DLC1: variants seen among roughly 807,000 people sequenced by gnomAD.
The protein encoded by DLC1 is rho GTPase-activating protein 7.
DLC1 carries 54 observed loss-of-function variants against 140.3 expected under a neutral mutation model. The ratio of observed to expected loss-of-function variants is 0.38; its 90% CI spans 0.31 to 0.48. The LOEUF is 0.48. Ranked by LOEUF, DLC1 falls within the 20% of genes least tolerant of loss-of-function variation. The pLI is 0.96. For synonymous variants in DLC1, 986 were observed against 728.1 expected, an observed-to-expected ratio of 1.35 and a Z score of -5.70; for missense variants, 2,536 against 1,907.0, an observed-to-expected ratio of 1.33 and a Z score of -6.14.
At chr8:13,196,934 T>A (rs531977413) in intron 5 of DLC1, among the ~76,000 whole-genome samples, 158 of 152,372 alleles carry the variant, frequency 1.0e-3, no homozygotes, top group Non-Finnish European at 1.9e-3. Flanking sequence ...TTCTACAGTT[T>A]ATTTTTTCTT....
At chr8:13,095,012 C>T (rs570004534) in intron 11 of DLC1, 55 bp from the exon 12 acceptor site, 8 of 1,613,830 alleles carry the variant, frequency 5.0e-6, no homozygotes, top group African/African-American at 1.3e-5. Context: ...GCAGTGTTTA[C>T]ACCACACAAC....
chr8:13,459,098 T>C (rs950322313), intron 2 of DLC1, among the ~76,000 whole-genome samples: 1 of 152,210 alleles, frequency 6.6e-6, no homozygotes, highest in Non-Finnish European at 1.5e-5. Context: ...TAATGAACCA[T>C]AGTTTGATTT....
rs1819218574 is a variant in DLC1, at chr8:13,102,929, C to G, written c.1503-76G>C. On this transcript the variant is annotated intron_variant, in intron 7 of 17. Coordinates refer to ENST00000276297, the MANE Select transcript of DLC1 (RefSeq NM_182643.3). Reference sequence around the variant, plus strand: ...GAGTGGATAAACACCTGTTTTTAAACAATTCATATATTTAAGGAGTTTCTT... The same window carrying G: ...GAGTGGATAAACACCTGTTTTTAAAGAATTCATATATTTAAGGAGTTTCTT... The G allele has an allele frequency of 8.1e-6, 10 of 1,238,478 alleles. No homozygotes were observed. The South Asian group carries it at 1.1e-4, about 14-fold the overall frequency. 76.7% of individuals were successfully genotyped at this position (1,238,478 alleles called of 1,614,324 possible).
intron 2 of DLC1, among the ~76,000 whole-genome samples, chr8:13,414,541 C>A (rs1837957588): frequency 6.6e-6 from 1 of 152,108 alleles, no homozygotes; most frequent in African/African-American, 2.4e-5. Context: ...TGCACTGTTT[C>A]TTTTAGCTCA....
Position 13,351,674 on chromosome 8 carries a change from C to T in DLC1, c.1314+41879G>A, listed in dbSNP as rs7815732. 9.3e-4 allele frequency among the ~76,000 whole-genome samples: 141 copies of T among 152,258 alleles called. 1 individual carries two copies. The highest frequency in any genetic ancestry group is 3.3e-3 in the African/African-American group (139 of 41,546). The stretch of plus-strand genomic sequence containing the variant: ...TGCACTACAACAGCAGAATTGAATA[C>T]GTGGGACAGAGACTGGAGAGCCCAC... On this transcript the variant is annotated intron_variant, in intron 4 of 17. Transcript: ENST00000276297.
intron 1 of DLC1, among the ~76,000 whole-genome samples, chr8:13,521,236 C>T (rs181999862): frequency 5.2e-4 from 79 of 152,136 alleles, no homozygotes; most frequent in African/African-American, 1.9e-3. Flanking sequence ...GAACATCACC[C>T]ACTGGGGCCT....
chr8:13,399,954 G>T (rs1297084386), intron 3 of DLC1, among the ~76,000 whole-genome samples: 1 of 152,078 alleles, frequency 6.6e-6, no homozygotes, highest in African/African-American at 2.4e-5. Flanking sequence ...TTTGTCCTCT[G>T]TATCTGGGTC....
intron 5 of DLC1, among the ~76,000 whole-genome samples, chr8:13,205,836 TAAGTC>T (rs879908421): frequency 5.3e-5 from 8 of 152,242 alleles, no homozygotes; most frequent in South Asian, 2.1e-4. Flanking sequence ...ATAATACTAA[TAAGTC>T]AAGACAAAGT....
chr8:13,188,843 A>ATATATATATT (rs1247995559), intron 5 of DLC1, among the ~76,000 whole-genome samples: 1 of 30,666 alleles, frequency 3.3e-5, no homozygotes, highest in African/African-American at 1.1e-4. Flanking sequence ...ATATATATAT[A>ATATATATATT]TTTTTTTTTT....
intron 5 of DLC1, among the ~76,000 whole-genome samples, chr8:13,213,929 G>C (rs1268686496): frequency 1.3e-5 from 2 of 151,906 alleles, no homozygotes. Context: ...GATTACAGGC[G>C]ACTCCCACCA....
intron 5 of DLC1, among the ~76,000 whole-genome samples, chr8:13,282,935 G>A (rs561432219): frequency 6.6e-6 from 1 of 152,242 alleles, no homozygotes; most frequent in Non-Finnish European, 1.5e-5. Context: ...TTCATATACA[G>A]TCATTGCCAC....
At chr8:13,231,724 ACATT>A (rs2117201979) in intron 5 of DLC1, among the ~76,000 whole-genome samples, 1 of 152,380 alleles carries the variant, frequency 6.6e-6, no homozygotes, top group South Asian at 2.1e-4. Flanking sequence ...CACAAGGCAT[ACATT>A]ATTGAGCACA....
chr8:13,586,491 C>G (rs1452387278), intron 1 of DLC1, among the ~76,000 whole-genome samples: 1 of 151,576 alleles, frequency 6.6e-6, no homozygotes, highest in African/African-American at 2.4e-5. Flanking sequence ...TGGGGGAGAG[C>G]ATAGTAATTT....
chr8:13,603,527 G>T (rs2117508160), intron 1 of DLC1, among the ~76,000 whole-genome samples: 1 of 151,740 alleles, frequency 6.6e-6, no homozygotes, highest in Non-Finnish European at 1.5e-5. Context: ...TGCAAACTCT[G>T]GTAACATATT....
At chr8:13,314,295 A>G (rs139033785) in intron 4 of DLC1, among the ~76,000 whole-genome samples, 134 of 148,292 alleles carry the variant, frequency 9.0e-4, no homozygotes, top group Middle Eastern at 7.1e-3. Context: ...TCAGAATATA[A>G]TATGTATATA....
At chr8:13,102,341 C>T (rs1819165068) in intron 8 of DLC1, among the ~76,000 whole-genome samples, 1 of 152,208 alleles carries the variant, frequency 6.6e-6, no homozygotes, top group Non-Finnish European at 1.5e-5. Flanking sequence ...TTTCCTCCCT[C>T]CAAATCTCTT....
intron 5 of DLC1, among the ~76,000 whole-genome samples, chr8:13,303,698 A>G (rs972870898): frequency 6.6e-6 from 1 of 152,150 alleles, no homozygotes; most frequent in South Asian, 2.1e-4. Context: ...GCTACTCAGG[A>G]GGCTGAGGCA....
chr8:13,577,142 T>A (rs781762403), intron 1 of DLC1, among the ~76,000 whole-genome samples: 1 of 152,174 alleles, frequency 6.6e-6, no homozygotes, highest in Non-Finnish European at 1.5e-5. Context: ...AACTGGGCTG[T>A]TACTGGAGAA....
At chr8:13,505,341 T>G (rs906398892) in intron 1 of DLC1, among the ~76,000 whole-genome samples, 2 of 151,270 alleles carry the variant, frequency 1.3e-5, no homozygotes, top group South Asian at 4.2e-4. Context: ...CAGATAATGT[T>G]TAAAATAGAA....
Sources: allele counts gnomAD v4.1 joint callset (sites outside exome capture counted in the v4.1 genomes callset), GRCh38; gene constraint gnomAD v4.1.1; transcripts MANE v1.5; gene names NCBI Gene and HGNC (gene_info 2026-07-23, HGNC 2026-07-21).